Variants in CFAP298 observed in about 807,000 individuals in gnomAD.
The protein encoded by CFAP298 is cilia- and flagella-associated protein 298.
A neutral mutation model predicts 41.0 loss-of-function variants in CFAP298; 38 were observed. That is an observed-to-expected ratio of 0.93 (90% CI 0.72 to 1.22). The LOEUF is 1.22. CFAP298 is among the 50% of genes most tolerant of loss of function. The pLI is 0.00. For missense variants in CFAP298, 348 were observed against 360.3 expected (o/e 0.97, Z 0.28); for synonymous variants, 137 against 135.3 (o/e 1.01, Z -0.09).
Position 32,601,759 on chromosome 21 carries a change from TCTTTTACAGAGGGCAGTAAGTGGC to T in CFAP298, c.*80_*103del, listed in dbSNP as rs2038743634. On this transcript the variant is annotated 3_prime_UTR_variant, in exon 7 of 7. Coordinates refer to ENST00000290155, the MANE Select transcript of CFAP298 (RefSeq NM_021254.4). ...TAAAAGAAAACTAGAAATGTTAACA[TCTTTTACAGAGGGCAGTAAGTGGC>T]CTTTTTTTTTTTTTTAAATTATAAT... is the stretch of plus-strand genomic sequence containing the variant. 5 of 628,750 alleles carry T rather than the reference TCTTTTACAGAGGGCAGTAAGTGGC, an allele frequency of 8.0e-6. No individual in the cohort carries two copies. The South Asian group carries it at 8.2e-5, about 10-fold the overall frequency. 38.9% of individuals were successfully genotyped at this position (628,750 alleles called of 1,614,324 possible). A position where few individuals can be genotyped will look rare whatever the true frequency, so the allele number is the denominator to read the frequency against.
intron 2 of CFAP298, among the ~76,000 whole-genome samples, chr21:32,608,175 T>C (rs2038908771): frequency 1.3e-5 from 2 of 150,626 alleles, no homozygotes; most frequent in South Asian, 4.2e-4. Context: ...AGCCCATAAT[T>C]TGGTGACCCC....
At chr21:32,603,372 G>C (rs1334560034) in intron 4 of CFAP298, 80 bp from the exon 5 acceptor site, 2 of 1,497,142 alleles carry the variant, frequency 1.3e-6, no homozygotes, top group Non-Finnish European at 1.8e-6. Flanking sequence ...CCCAGCAGGG[G>C]GCAGGGGACA....
chr21:32,599,791 C>T lies in CFAP298; in HGVS notation c.*2072G>A, dbSNP rs996393232. Among the ~76,000 whole-genome samples, 1 of 152,212 alleles carries T rather than the reference C, an allele frequency of 6.6e-6. No individual in the cohort carries two copies. The highest frequency in any genetic ancestry group is 1.5e-5 in the Non-Finnish European group (1 of 68,046). On this transcript the variant is annotated 3_prime_UTR_variant, in exon 7 of 7. Transcript: ENST00000290155. Reference sequence around the variant, plus strand: ...TGCAAATAAGCTACTCACGTACTTCCTGAGATCTGCTGCACCCAAACACAC... The same window carrying T: ...TGCAAATAAGCTACTCACGTACTTCTTGAGATCTGCTGCACCCAAACACAC...
chr21:32,604,004 A>G, intron 4 of CFAP298, 121 bp downstream of exon 4: 14 of 959,822 alleles, frequency 1.5e-5, no homozygotes, highest in Non-Finnish European at 2.2e-5. Context: ...GAAGCAGGGC[A>G]TAGCAAACCT....
intron 1 of CFAP298, among the ~76,000 whole-genome samples, chr21:32,611,380 T>C (rs2038995775): frequency 6.9e-6 from 1 of 145,476 alleles, no homozygotes; most frequent in African/African-American, 2.6e-5. Flanking sequence ...AATTTATTTA[T>C]ATTCATATAT....
chr21:32,606,266 G>A (rs1202569973), intron 3 of CFAP298, among the ~76,000 whole-genome samples: 1 of 152,212 alleles, frequency 6.6e-6, no homozygotes, highest in African/African-American at 2.4e-5. Flanking sequence ...ATTCAGGTTG[G>A]AAGTGAAGCA....
rs1050356769 is a variant in CFAP298, at chr21:32,612,005, A to G, written c.139+100T>C. 6.1e-6 allele frequency: 8 copies of G among 1,321,780 alleles called. No homozygotes were observed. In the East Asian group the frequency reaches 1.5e-4, roughly 24 times the overall value. The allele number at this position is 1,321,780 out of a possible 1,614,324, so 81.9% of individuals were successfully genotyped here. On this transcript the variant is annotated intron_variant, in intron 1 of 6. Coordinates refer to ENST00000290155, the MANE Select transcript of CFAP298 (RefSeq NM_021254.4). ...CCCGGCTGCTGCAAATCTCTTCAAT[A>G]ATCTTCACAAACCTGACCCCTCGGC...
chr21:32,607,214 G>T lies in CFAP298; in HGVS notation c.375+435C>A, dbSNP rs73194258. ...AAAAGCTACAGCCTACCCCAAATAC[G>T]CTTGTTTCCTTTGCCTCCGGAAGGC... is the stretch of plus-strand genomic sequence containing the variant. On this transcript the variant is annotated intron_variant, in intron 3 of 6. Transcript: ENST00000290155. 5.3e-3 allele frequency among the ~76,000 whole-genome samples: 802 copies of T among 152,240 alleles called. 6 individuals carry two copies. Among genetic ancestry groups the T allele is most frequent in the Non-Finnish European group, 9.0e-3 (613 of 68,032 alleles).
rs1296295200 is a variant in CFAP298 at position 32,612,140 on chromosome 21, T to C, written c.104A>G (p.Tyr35Cys). The C allele has an allele frequency of 7.0e-6, 11 of 1,571,782 alleles. No homozygotes were observed. The highest frequency in any genetic ancestry group is 2.3e-5 in the South Asian group (2 of 85,482). The change falls in exon 1 of 7, where the codon TAT becomes TGT. Residue 35 changes from tyrosine to cysteine, a missense_variant. Coordinates refer to ENST00000290155, the MANE Select transcript of CFAP298 (RefSeq NM_021254.4). The stretch of plus-strand genomic sequence containing the variant: ...GCGCTGCACCTTGAGCCGCCCATTA[T>C]AGACCCGGGCCACCTGCACCGTGAG... ...EELTVQVARV[Y>C]NGRLKVQRLC...
intron 5 of CFAP298, 71 bp from the exon 6 acceptor site, chr21:32,602,438 A>G: frequency 6.4e-7 from 1 of 1,551,402 alleles, no homozygotes. Flanking sequence ...AGTTACAACA[A>G]ATGTTTTACG....
At position 32,612,237 on chromosome 21, in the gene CFAP298, G is replaced by C. The variant is rs1481007321; in HGVS notation, c.7C>G (p.Leu3Val). The C allele has an allele frequency of 6.2e-7, 1 of 1,605,170 alleles. No homozygotes were observed. Among genetic ancestry groups the C allele is most frequent in the East Asian group, 2.2e-5 (1 of 44,506 alleles). Residue 3 changes from leucine (L) to valine (V), a missense_variant, in exon 1 of 7, where the codon CTG (leucine) becomes GTG (valine). Leu to Val is a conservative substitution (Grantham distance 32, BLOSUM62 1). Transcript: ENST00000290155. ...TCGTCGCCCCGCTTCACGTGCAGCA[G>C]AACCATGGCGGTCCCGCCGAGGTAC... MV[L>V]LHVKRGDESQ...
In CFAP298 at chr21:32,612,325, T is replaced by G. The variant is rs897714036; in HGVS notation, c.-82A>C. ...GTCCTGCCGGCCGAGGGTCGCCGGA[T>G]CGCCAGCAGCTGCGACGCACTAACA... On this transcript the variant is annotated 5_prime_UTR_variant, in exon 1 of 7. Coordinates refer to ENST00000290155, the MANE Select transcript of CFAP298 (RefSeq NM_021254.4). 2 of 1,463,612 alleles carry G rather than the reference T, an allele frequency of 1.4e-6. No homozygotes were observed. The highest frequency in any genetic ancestry group is 1.8e-6 in the Non-Finnish European group (2 of 1,106,966). The allele number at this position is 1,463,612 out of a possible 1,614,324, so 90.7% of individuals were successfully genotyped here. A position where few individuals can be genotyped will look rare whatever the true frequency, so the allele number is the denominator to read the frequency against.
At position 32,607,732 on chromosome 21, in the gene CFAP298, GGA is replaced by G. The variant is rs1379002934; in HGVS notation, c.308-18_308-17del. ...TCATTTGGAGCTATAAAAATAAAAA[GGA>G]GAGAGGGAGAAAGAGCTGTCAAATA... On this transcript the variant is annotated splice_polypyrimidine_tract_variant and intron_variant, in intron 2 of 6. Transcript: ENST00000290155. The G allele has an allele frequency of 1.3e-6, 2 of 1,496,982 alleles. No individual in the cohort carries two copies. Among genetic ancestry groups the G allele is most frequent in the Non-Finnish European group, 1.8e-6 (2 of 1,083,702 alleles). 92.7% of individuals were successfully genotyped at this position (1,496,982 alleles called of 1,614,324 possible).
chr21:32,612,009 T>C (rs2039010995), intron 1 of CFAP298, 96 bp downstream of exon 1: 1 of 1,344,576 alleles, frequency 7.4e-7, no homozygotes. Flanking sequence ...TTCAATAATC[T>C]TCACAAACCT....
At position 32,609,998 on chromosome 21, in the gene CFAP298, T is replaced by C. The variant is rs751824011; in HGVS notation, c.147A>G (p.Glu49=). The C allele has an allele frequency of 1.2e-6, 2 of 1,612,856 alleles. No individual in the cohort carries two copies. The highest frequency in any genetic ancestry group is 2.2e-5 in the East Asian group (1 of 44,876). ...LKVQRLCSEM[E]ELAEHGIFLP... ...GAAATATGCCATGTTCGGCTAATTC[T>C]TCCATTTCTTAAAAATAAGTGAAAG... Residue 49 remains glutamate (E), a synonymous_variant, in exon 2 of 7, where the codon GAA becomes GAG. Transcript: ENST00000290155.
At chr21:32,608,223 C>A (rs1803320074) in intron 2 of CFAP298, among the ~76,000 whole-genome samples, 3 of 110,522 alleles carry the variant, frequency 2.7e-5, no homozygotes, top group Admixed American at 9.4e-5. Context: ...AGCTTAGAAG[C>A]CAAAAAAAAA....
intron 2 of CFAP298, 110 bp from the exon 3 acceptor site, chr21:32,607,826 G>A (rs1244475271): frequency 7.5e-6 from 5 of 667,448 alleles, no homozygotes; most frequent in East Asian, 5.4e-5. Context: ...CTGAGAGAGA[G>A]TGCGAGTGTG....
rs777963089 is a variant in CFAP298 at position 32,601,154 on chromosome 21, G to C, written c.*709C>G. On this transcript the variant is annotated 3_prime_UTR_variant, in exon 7 of 7. Transcript: ENST00000290155. ...AGTTCAGCTTCCAATAGATCTAGAG[G>C]GCCAGGAGAAAAAGCATGCTGAGTG... 6.6e-6 allele frequency among the ~76,000 whole-genome samples: 1 copy of C among 152,112 alleles called. No homozygotes were observed. The highest frequency in any genetic ancestry group is 1.5e-5 in the Non-Finnish European group (1 of 68,018).
In CFAP298 at chr21:32,599,863, T is replaced by C. The variant is rs992271971; in HGVS notation, c.*2000A>G. On this transcript the variant is annotated 3_prime_UTR_variant, in exon 7 of 7. Coordinates refer to ENST00000290155, the MANE Select transcript of CFAP298 (RefSeq NM_021254.4). Reference sequence around the variant, plus strand: ...GGCAGACAAGGGCAGGGAGAGAGGATGGTTCTTCTCGCATGGGTATTTAAG... The same window carrying C: ...GGCAGACAAGGGCAGGGAGAGAGGACGGTTCTTCTCGCATGGGTATTTAAG... Among the ~76,000 whole-genome samples the C allele has an allele frequency of 6.6e-6, 1 of 152,188 alleles. No homozygotes were observed. Among genetic ancestry groups the C allele is most frequent in the Non-Finnish European group, 1.5e-5 (1 of 68,040 alleles).
Sources: gnomAD v4.1 joint callset for allele counts (sites outside exome capture counted in the v4.1 genomes callset) on GRCh38, gnomAD v4.1.1 for gene constraint, MANE v1.5 for transcripts, NCBI Gene and HGNC (gene_info 2026-07-23, HGNC 2026-07-21) for gene names.